KCNQ5: variants seen among roughly 807,000 people sequenced by gnomAD.
KCNQ5 encodes potassium voltage-gated channel subfamily KQT member 5.
Under a neutral mutation model 98.2 loss-of-function variants are expected in KCNQ5, and 30 were observed. The observed-to-expected ratio is 0.31, with a 90% CI of 0.23 to 0.41. The LOEUF (loss-of-function observed/expected upper bound fraction) is 0.41, where lower values mean the gene tolerates loss of function less well. Ranked by LOEUF, KCNQ5 falls within the 10% of genes least tolerant of loss-of-function variation. The pLI is 1.00. For missense variants in KCNQ5, 835 were observed against 1,182.5 expected (o/e 0.71, Z 4.31); for synonymous variants, 458 against 449.4 (o/e 1.02, Z -0.24).
intron 5 of KCNQ5, among the ~76,000 whole-genome samples, chr6:73,086,778 AG>A (rs1285523453): frequency 1.3e-5 from 2 of 152,238 alleles, no homozygotes; most frequent in African/African-American, 2.4e-5. Flanking sequence ...TTACGAAACA[AG>A]GAGCTGTAAT....
intron 10 of KCNQ5, among the ~76,000 whole-genome samples, chr6:73,149,458 C>A (rs1777055721): frequency 6.6e-6 from 1 of 152,240 alleles, no homozygotes; most frequent in South Asian, 2.1e-4. Flanking sequence ...ATCCAGAACT[C>A]AGCAGAATGT....
intron 1 of KCNQ5, among the ~76,000 whole-genome samples, chr6:72,779,190 G>T (rs193110361): frequency 1.8e-4 from 28 of 152,264 alleles, no homozygotes; most frequent in African/African-American, 6.0e-4. Flanking sequence ...CTACAGGGAA[G>T]GATGCCCCCC....
intron 11 of KCNQ5, among the ~76,000 whole-genome samples, chr6:73,182,238 CATTT>C (rs1015428231): frequency 6.6e-6 from 1 of 152,172 alleles, no homozygotes; most frequent in African/African-American, 2.4e-5. Context: ...TACACTCATT[CATTT>C]ATTTATTGTC....
chr6:72,681,907 G>T (rs372139260), intron 1 of KCNQ5, among the ~76,000 whole-genome samples: 42 of 152,194 alleles, frequency 2.8e-4, no homozygotes, highest in African/African-American at 7.5e-4. Flanking sequence ...TTTGCTCCTG[G>T]GTTGCCTTGG....
chr6:73,023,099 AT>A (rs371854803), intron 2 of KCNQ5, among the ~76,000 whole-genome samples: 107 of 152,344 alleles, frequency 7.0e-4, no homozygotes, highest in South Asian at 5.2e-3. Context: ...AGGCTGCTGC[AT>A]TGCCCAGAAG....
intron 1 of KCNQ5, among the ~76,000 whole-genome samples, chr6:72,976,781 A>C (rs1334217006): frequency 1.3e-5 from 2 of 152,204 alleles, no homozygotes; most frequent in African/African-American, 4.8e-5. Context: ...AGCTTCAAAT[A>C]GTTTCCCAGG....
chr6:73,083,310 A>G (rs920050371), intron 5 of KCNQ5, among the ~76,000 whole-genome samples: 3 of 152,204 alleles, frequency 2.0e-5, no homozygotes, highest in Non-Finnish European at 4.4e-5. Flanking sequence ...TGGTTTACGA[A>G]AATAGAATGC....
intron 3 of KCNQ5, among the ~76,000 whole-genome samples, chr6:73,060,082 T>C (rs775533417): frequency 5.3e-5 from 8 of 151,098 alleles, no homozygotes; most frequent in Non-Finnish European, 3.0e-5. Context: ...TTATAGAGAG[T>C]TGGGTCCAAT....
chr6:73,044,750 A>G (rs1171080356), intron 3 of KCNQ5, among the ~76,000 whole-genome samples: 1 of 152,230 alleles, frequency 6.6e-6, no homozygotes, highest in African/African-American at 2.4e-5. Flanking sequence ...TTACTGTGAC[A>G]AAATGAAAAA....
chr6:72,731,186 A>G (rs1296569017), intron 1 of KCNQ5, among the ~76,000 whole-genome samples: 2 of 152,240 alleles, frequency 1.3e-5, no homozygotes, highest in East Asian at 3.8e-4. Flanking sequence ...TGAAAATGAG[A>G]GGACAGGTGG....
At position 72,769,202 on chromosome 6, in the gene KCNQ5, A is replaced by G. The variant is rs73756516; in HGVS notation, c.398+146615A>G. Among the ~76,000 whole-genome samples, 1,484 of 152,268 alleles carry G rather than the reference A, an allele frequency of 9.7e-3. 18 individuals carry two copies. The highest frequency in any genetic ancestry group is 0.033 in the African/African-American group (1,383 of 41,568). On this transcript the variant is annotated intron_variant, in intron 1 of 13. Coordinates refer to ENST00000370398, the MANE Select transcript of KCNQ5 (RefSeq NM_019842.4). Reference sequence around the variant, plus strand: ...CCATACCAATACATGAATAGAGAACAAATGCATATATATTGTTTTGTTCAC... The same window carrying G: ...CCATACCAATACATGAATAGAGAACGAATGCATATATATTGTTTTGTTCAC...
chr6:72,977,032 T>C (rs996271679), intron 1 of KCNQ5, among the ~76,000 whole-genome samples: 1 of 152,274 alleles, frequency 6.6e-6, no homozygotes, highest in African/African-American at 2.4e-5. Flanking sequence ...TAAACCAATA[T>C]AATTCATTGT....
At chr6:72,935,499 A>C (rs899661089) in intron 1 of KCNQ5, among the ~76,000 whole-genome samples, 1 of 152,164 alleles carries the variant, frequency 6.6e-6, no homozygotes, top group Non-Finnish European at 1.5e-5. Context: ...CCTGCTAAGC[A>C]TACTGCCGGC....
At chr6:72,882,028 A>T (rs1324412147) in intron 1 of KCNQ5, among the ~76,000 whole-genome samples, 3 of 152,160 alleles carry the variant, frequency 2.0e-5, no homozygotes, top group African/African-American at 7.2e-5. Flanking sequence ...TTCAGTGGTG[A>T]TTCTGCAATT....
intron 1 of KCNQ5, among the ~76,000 whole-genome samples, chr6:72,806,593 C>T (rs542467975): frequency 6.6e-6 from 1 of 152,248 alleles, no homozygotes; most frequent in African/African-American, 2.4e-5. Context: ...CTTACACAAC[C>T]TCAAGAGGTT....
chr6:72,793,957 G>C (rs962734224), intron 1 of KCNQ5, among the ~76,000 whole-genome samples: 1 of 152,210 alleles, frequency 6.6e-6, no homozygotes, highest in African/African-American at 2.4e-5. Context: ...GAGAGGAAAT[G>C]AGTATATGAA....
At chr6:72,981,256 T>A (rs1472590474) in intron 1 of KCNQ5, among the ~76,000 whole-genome samples, 1 of 152,252 alleles carries the variant, frequency 6.6e-6, no homozygotes, top group Admixed American at 6.5e-5. Context: ...TTTGTACCGC[T>A]GGTAGAATTC....
chr6:72,900,314 A>C (rs975080548), intron 1 of KCNQ5, among the ~76,000 whole-genome samples: 1 of 150,206 alleles, frequency 6.7e-6, no homozygotes, highest in Non-Finnish European at 1.5e-5. Flanking sequence ...GTACATATAT[A>C]TATATCCCAT....
chr6:73,183,858 G>T (rs1353727900), intron 11 of KCNQ5, among the ~76,000 whole-genome samples: 1 of 152,168 alleles, frequency 6.6e-6, no homozygotes, highest in Non-Finnish European at 1.5e-5. Context: ...AGGAGCCCCA[G>T]AGAGCATCCC....
Sources: gnomAD v4.1 joint callset for allele counts (sites outside exome capture counted in the v4.1 genomes callset) on GRCh38, gnomAD v4.1.1 for gene constraint, MANE v1.5 for transcripts, NCBI Gene and HGNC (gene_info 2026-07-23, HGNC 2026-07-21) for gene names.